CLYBL: variants seen among roughly 807,000 people sequenced by gnomAD.
CLYBL encodes citramalyl-CoA lyase, mitochondrial.
CLYBL carries 31 observed loss-of-function variants against 38.9 expected under a neutral mutation model. The observed-to-expected ratio is 0.80, with a 90% CI of 0.60 to 1.08. The LOEUF (loss-of-function observed/expected upper bound fraction) is 1.08, where lower values mean the gene tolerates loss of function less well. Among genes scored for constraint, CLYBL ranks in the 50% least tolerant of loss-of-function variants. CLYBL has a pLI of 0.00. For synonymous variants in CLYBL, 171 were observed against 158.6 expected (o/e 1.08, Z -0.59); for missense variants, 434 against 411.6 (o/e 1.05, Z -0.47).
chr13:99,645,281 G>A (rs1382445546), intron 1 of CLYBL, among the ~76,000 whole-genome samples: 3 of 152,154 alleles, frequency 2.0e-5, no homozygotes, highest in African/African-American at 2.4e-5. Context: ...TGGATCACGA[G>A]GTCAGGAGAT....
At chr13:99,750,896 A>T (rs1352768489) in intron 1 of CLYBL, among the ~76,000 whole-genome samples, 1 of 152,192 alleles carries the variant, frequency 6.6e-6, no homozygotes, top group East Asian at 1.9e-4. Flanking sequence ...TAAAAATTTT[A>T]AAAATATTTG....
intron 1 of CLYBL, among the ~76,000 whole-genome samples, chr13:99,688,262 G>A (rs2047847506): frequency 6.6e-6 from 1 of 151,746 alleles, no homozygotes; most frequent in Admixed American, 6.6e-5. Context: ...TAACAGACTC[G>A]CTGTGTGTGT....
In CLYBL at chr13:99,753,933, C is replaced by G. The variant is rs184831578; in HGVS notation, c.63-18891C>G. ...GTGAAACCCCATCTCTACAAAAATACAAAACTTAGCTGGGCATGATGGCAA... is the reference window on the plus strand; with the variant it reads ...GTGAAACCCCATCTCTACAAAAATAGAAAACTTAGCTGGGCATGATGGCAA... On this transcript the variant is annotated intron_variant, in intron 1 of 8. Coordinates refer to ENST00000339105, the MANE Select transcript of CLYBL (RefSeq NM_206808.5). Among the ~76,000 whole-genome samples, 12 of 146,226 alleles carry G rather than the reference C, an allele frequency of 8.2e-5. No individual in the cohort carries two copies. In the East Asian group the frequency reaches 2.5e-3, roughly 30 times the overall value.
intron 2 of CLYBL, among the ~76,000 whole-genome samples, chr13:99,839,367 TG>T (rs1386485876): frequency 2.6e-5 from 4 of 152,222 alleles, no homozygotes. Context: ...GTCCATCCAG[TG>T]GCTGTGTTTA....
intron 2 of CLYBL, among the ~76,000 whole-genome samples, chr13:99,789,983 G>A (rs2049881766): frequency 6.6e-6 from 1 of 151,964 alleles, no homozygotes; most frequent in Admixed American, 6.6e-5. Flanking sequence ...ATCTTTGTTG[G>A]TTTAAAGTCT....
chr13:99,663,773 C>T (rs962305483), intron 1 of CLYBL, among the ~76,000 whole-genome samples: 5 of 152,188 alleles, frequency 3.3e-5, no homozygotes, highest in South Asian at 2.1e-4. Flanking sequence ...GCTGCGTCCT[C>T]ACTAAATCTG....
At chr13:99,616,358 C>G (rs1177018224) in intron 1 of CLYBL, among the ~76,000 whole-genome samples, 1 of 152,144 alleles carries the variant, frequency 6.6e-6, no homozygotes, top group African/African-American at 2.4e-5. Flanking sequence ...CGATGTTAAT[C>G]TAGGAGCAGT....
At chr13:99,764,294 T>C (rs986542493) in intron 1 of CLYBL, among the ~76,000 whole-genome samples, 2 of 152,298 alleles carry the variant, frequency 1.3e-5, no homozygotes, top group African/African-American at 4.8e-5. Flanking sequence ...CTTCAGTTTT[T>C]TTGAAGAATT....
chr13:99,668,031 T>C (rs2047508605), intron 1 of CLYBL, among the ~76,000 whole-genome samples: 1 of 151,444 alleles, frequency 6.6e-6, no homozygotes, highest in African/African-American at 2.4e-5. Context: ...TCCAGCACTT[T>C]AGGAGGCCGA....
chr13:99,807,200 A>G (rs2050248821), intron 2 of CLYBL, among the ~76,000 whole-genome samples: 1 of 152,220 alleles, frequency 6.6e-6, no homozygotes, highest in South Asian at 2.1e-4. Flanking sequence ...CCTCAGATAG[A>G]GCAAGAAGGG....
intron 1 of CLYBL, among the ~76,000 whole-genome samples, chr13:99,700,151 C>T (rs570716955): frequency 1.5e-4 from 23 of 152,172 alleles, no homozygotes; most frequent in African/African-American, 3.1e-4. Context: ...AACACACCCA[C>T]GGTGTAAAAA....
At chr13:99,667,815 A>G (rs531177554) in intron 1 of CLYBL, among the ~76,000 whole-genome samples, 1 of 152,322 alleles carries the variant, frequency 6.6e-6, no homozygotes, top group South Asian at 2.1e-4. Context: ...AAATCTTTCT[A>G]CTATTCCAAT....
chr13:99,868,767 A>T (rs192513094), intron 6 of CLYBL, among the ~76,000 whole-genome samples: 2 of 152,310 alleles, frequency 1.3e-5, no homozygotes, highest in Admixed American at 6.5e-5. Context: ...TCTTGGAATA[A>T]AGCTTTAACA....
chr13:99,818,715 G>A (rs1035135462), intron 2 of CLYBL, among the ~76,000 whole-genome samples: 9 of 152,132 alleles, frequency 5.9e-5, no homozygotes, highest in African/African-American at 2.2e-4. Flanking sequence ...TGTGGTGTGT[G>A]TAAAAAAGCT....
chr13:99,715,733 C>T (rs1218930450), intron 1 of CLYBL, among the ~76,000 whole-genome samples: 1 of 152,148 alleles, frequency 6.6e-6, no homozygotes, highest in Admixed American at 6.5e-5. Flanking sequence ...ACCTCTAGTT[C>T]CTAAGCTGTT....
intron 1 of CLYBL, among the ~76,000 whole-genome samples, chr13:99,720,635 C>A (rs902713047): frequency 6.6e-6 from 1 of 152,122 alleles, no homozygotes; most frequent in Non-Finnish European, 1.5e-5. Flanking sequence ...TGCTTAGTTG[C>A]GTTCAAGGCT....
At chr13:99,720,239 C>G (rs945941234) in intron 1 of CLYBL, among the ~76,000 whole-genome samples, 1 of 151,976 alleles carries the variant, frequency 6.6e-6, no homozygotes, top group African/African-American at 2.4e-5. Flanking sequence ...TTATTTGAGT[C>G]TAAAGTTAAT....
At chr13:99,739,148 A>T (rs1273660225) in intron 1 of CLYBL, among the ~76,000 whole-genome samples, 1 of 152,182 alleles carries the variant, frequency 6.6e-6, no homozygotes, top group Non-Finnish European at 1.5e-5. Context: ...TCATCTAATA[A>T]TGGTGTTTTA....
intron 1 of CLYBL, among the ~76,000 whole-genome samples, chr13:99,644,217 G>GTGTATGTATATGTGGTGTA (rs1456293914): frequency 4.2e-5 from 6 of 141,638 alleles, no homozygotes; most frequent in East Asian, 4.3e-4. Flanking sequence ...TGTATATGTG[G>GTGTATGTATATGTGGTGTA]TGTATGTATA....
Sources: allele counts gnomAD v4.1 joint callset (sites outside exome capture counted in the v4.1 genomes callset), GRCh38; gene constraint gnomAD v4.1.1; transcripts MANE v1.5; gene names NCBI Gene and HGNC (gene_info 2026-07-23, HGNC 2026-07-21).